Variants in MCU observed in about 807,000 individuals in gnomAD.
The protein encoded by MCU is calcium uniporter protein, mitochondrial.
Under a neutral mutation model 45.2 loss-of-function variants are expected in MCU, and 12 were observed. The ratio of observed to expected loss-of-function variants is 0.27; its 90% CI spans 0.17 to 0.43. The LOEUF is 0.43. Among genes scored for constraint, MCU ranks in the 20% least tolerant of loss-of-function variants. The probability of loss-of-function intolerance (pLI) is 1.00; values close to 1 mark genes in which losing one functional copy is unlikely to be tolerated. For missense variants in MCU, 324 were observed against 436.7 expected (o/e 0.74, Z 2.30); for synonymous variants, 160 against 165.1 (o/e 0.97, Z 0.24).
chr10:72,835,442 C>T (rs955190070), intron 2 of MCU, among the ~76,000 whole-genome samples: 7 of 152,132 alleles, frequency 4.6e-5, no homozygotes, highest in Admixed American at 2.6e-4. Context: ...AACATTAATT[C>T]GTAAGCATAA....
chr10:72,869,066 A>G (rs1845500995), intron 5 of MCU, among the ~76,000 whole-genome samples: 1 of 152,224 alleles, frequency 6.6e-6, no homozygotes, highest in Non-Finnish European at 1.5e-5. Context: ...TTGATAATGG[A>G]CTTAGAGCTT....
chr10:72,818,068 A>C (rs1844653240), intron 1 of MCU, among the ~76,000 whole-genome samples: 2 of 152,258 alleles, frequency 1.3e-5, no homozygotes, highest in South Asian at 4.1e-4. Context: ...CACTTGTAAA[A>C]GAATTAGCTG....
intron 1 of MCU, among the ~76,000 whole-genome samples, chr10:72,748,335 A>G (rs1843444303): frequency 6.6e-6 from 1 of 152,242 alleles, no homozygotes; most frequent in Non-Finnish European, 1.5e-5. Context: ...GGCGTGTGCC[A>G]CCGCACCGGC....
chr10:72,692,771 G>A, intron 1 of MCU: 1 of 1,373,774 alleles, frequency 7.3e-7, no homozygotes, highest in Non-Finnish European at 9.4e-7. Context: ...GCTGCTGGGA[G>A]CTGCCCCGGA....
intron 1 of MCU, among the ~76,000 whole-genome samples, chr10:72,711,838 A>T (rs1241915994): frequency 6.7e-6 from 1 of 149,376 alleles, no homozygotes; most frequent in African/African-American, 2.5e-5. Flanking sequence ...CTGCCTCCCG[A>T]GTAGCTGGGA....
chr10:72,723,751 T>G (rs1030391903), intron 1 of MCU, among the ~76,000 whole-genome samples: 1 of 152,320 alleles, frequency 6.6e-6, no homozygotes, highest in South Asian at 2.1e-4. Context: ...AATATATATA[T>G]TTTTTGGTAG....
Position 72,868,729 on chromosome 10 carries a change from A to G in MCU, c.523A>G (p.Thr175Ala), listed in dbSNP as rs537793734. 4.9e-5 allele frequency: 79 copies of G among 1,613,994 alleles called. No individual in the cohort carries two copies. The highest frequency in any genetic ancestry group is 1.8e-4 in the Admixed American group (11 of 59,952). The change falls in exon 5 of 8, where the codon ACG becomes GCG. Residue 175 changes from threonine (T) to alanine (A), a missense_variant. Coordinates refer to ENST00000373053, the MANE Select transcript of MCU (RefSeq NM_138357.3). ...RDLLSHENAA[T>A]LNDVKTLVQQ... ...CCTCTTAAGTCATGAAAATGCAGCA[A>G]CGCTGAATGATGTAAAGACATTGGT...
chr10:72,835,677 G>C (rs1251507642), intron 2 of MCU, among the ~76,000 whole-genome samples: 1 of 152,136 alleles, frequency 6.6e-6, no homozygotes, highest in African/African-American at 2.4e-5. Context: ...TTACTCATTT[G>C]TAATATGGAA....
intron 1 of MCU, among the ~76,000 whole-genome samples, chr10:72,697,576 G>A (rs558090336): frequency 2.6e-5 from 4 of 151,646 alleles, no homozygotes; most frequent in Non-Finnish European, 5.9e-5. Flanking sequence ...TGGGATTACA[G>A]GTGTGCACCA....
intron 1 of MCU, among the ~76,000 whole-genome samples, chr10:72,704,142 C>T (rs1842790321): frequency 6.6e-6 from 1 of 151,908 alleles, no homozygotes. Flanking sequence ...GTATGAAGGC[C>T]GGGTGGAAAG....
At chr10:72,774,101 A>T (rs915322898) in intron 1 of MCU, among the ~76,000 whole-genome samples, 2 of 152,202 alleles carry the variant, frequency 1.3e-5, no homozygotes, top group Admixed American at 6.5e-5. Flanking sequence ...ACACAGGCAA[A>T]TACAGAATAC....
At chr10:72,851,231 A>G (rs1246121470) in intron 2 of MCU, among the ~76,000 whole-genome samples, 4 of 152,230 alleles carry the variant, frequency 2.6e-5, no homozygotes, top group Non-Finnish European at 4.4e-5. Flanking sequence ...TAAATTGGGT[A>G]TGAAAGACCT....
chr10:72,822,942 T>C (rs1844736522), intron 1 of MCU, among the ~76,000 whole-genome samples: 1 of 152,192 alleles, frequency 6.6e-6, no homozygotes, highest in Admixed American at 6.5e-5. Context: ...CTACTTTATA[T>C]AAATACTCGT....
chr10:72,772,729 T>C (rs912791880), intron 1 of MCU, among the ~76,000 whole-genome samples: 10 of 151,996 alleles, frequency 6.6e-5, no homozygotes, highest in Non-Finnish European at 1.2e-4. Context: ...ACAAGCCAGA[T>C]AGAAAAAACC....
intron 1 of MCU, among the ~76,000 whole-genome samples, chr10:72,786,624 T>C (rs953209949): frequency 6.6e-6 from 1 of 152,108 alleles, no homozygotes; most frequent in Non-Finnish European, 1.5e-5. Flanking sequence ...CAGGCGCCTG[T>C]AATCCCAGCT....
intron 2 of MCU, among the ~76,000 whole-genome samples, chr10:72,846,150 C>A (rs1284404051): frequency 6.6e-6 from 1 of 152,082 alleles, no homozygotes; most frequent in African/African-American, 2.4e-5. Context: ...TCAAGCACTT[C>A]TCCTGCCTCA....
chr10:72,833,781 A>G (rs1488674874), intron 1 of MCU, among the ~76,000 whole-genome samples: 1 of 152,204 alleles, frequency 6.6e-6, no homozygotes, highest in Non-Finnish European at 1.5e-5. Flanking sequence ...GTAGAGGTGG[A>G]TGTGAGTGTG....
chr10:72,769,764 A>G (rs1255689201), intron 1 of MCU, among the ~76,000 whole-genome samples: 1 of 152,148 alleles, frequency 6.6e-6, no homozygotes, highest in Non-Finnish European at 1.5e-5. Context: ...ATTAGCAGTC[A>G]TTTCTCATTT....
At chr10:72,770,373 ATC>A (rs1843786925) in intron 1 of MCU, among the ~76,000 whole-genome samples, 1 of 152,196 alleles carries the variant, frequency 6.6e-6, no homozygotes, top group East Asian at 1.9e-4. Context: ...TATCATATAC[ATC>A]TTAATTTACC....
Sources: gnomAD v4.1 joint callset for allele counts (sites outside exome capture counted in the v4.1 genomes callset) on GRCh38, gnomAD v4.1.1 for gene constraint, MANE v1.5 for transcripts, NCBI Gene and HGNC (gene_info 2026-07-23, HGNC 2026-07-21) for gene names.